The following RNF220 variants were observed in gnomAD, a reference collection of about 807,000 sequenced individuals.
The protein encoded by RNF220 is ring finger protein 220.
A neutral mutation model predicts 67.1 loss-of-function variants in RNF220; 7 were observed. That is an observed-to-expected ratio of 0.10 (90% CI 0.06 to 0.20). The LOEUF is 0.20. Among genes scored for constraint, RNF220 ranks in the 10% least tolerant of loss-of-function variants. RNF220 has a pLI of 1.00. For synonymous variants in RNF220, 270 were observed against 283.2 expected (o/e 0.95, Z 0.47); for missense variants, 565 against 740.3 (o/e 0.76, Z 2.75).
At chr1:44,563,410 C>G (rs1353321576) in intron 2 of RNF220, among the ~76,000 whole-genome samples, 3 of 152,212 alleles carry the variant, frequency 2.0e-5, no homozygotes, top group South Asian at 4.1e-4. Flanking sequence ...CAGGGGGCCC[C>G]GCTTCCCTCC....
chr1:44,647,273 A>G (rs896330821), intron 12 of RNF220, among the ~76,000 whole-genome samples: 11 of 152,208 alleles, frequency 7.2e-5, no homozygotes, highest in African/African-American at 2.2e-4. Flanking sequence ...ACATAACTAT[A>G]TAGGACTAGG....
In RNF220 at chr1:44,650,520, G is replaced by GT; in HGVS notation, c.1630-183dup. 1.6e-6 allele frequency: 1 copy of GT among 619,992 alleles called. No homozygotes were observed. Among genetic ancestry groups the GT allele is most frequent in the Non-Finnish European group, 2.9e-6 (1 of 349,062 alleles). The allele number at this position is 619,992 out of a possible 1,614,324, so 38.4% of individuals were successfully genotyped here. On this transcript the variant is annotated intron_variant, in intron 14 of 14. Transcript: ENST00000361799. The surrounding 1 kb of genome is among the most constrained non-coding windows in gnomAD (Gnocchi z 4.3). ...GCTGGCCAGGCGGTTTGATCCTGGC[G>GT]TCCCCCCAACACAGGAGCGTGCCTG...
intron 2 of RNF220, among the ~76,000 whole-genome samples, chr1:44,445,280 A>AC (rs1188222896): frequency 6.6e-6 from 1 of 152,150 alleles, no homozygotes; most frequent in African/African-American, 2.4e-5. Context: ...TATCTCCTAT[A>AC]AATATATATT....
chr1:44,620,486 T>C (rs72671945), intron 3 of RNF220, among the ~76,000 whole-genome samples: 9,429 of 152,292 alleles, frequency 0.062, 705 homozygotes, highest in African/African-American at 0.17. Flanking sequence ...ACTGAGTGAA[T>C]GAAGGAGTGA....
At chr1:44,495,394 C>G (rs1010495522) in intron 2 of RNF220, among the ~76,000 whole-genome samples, 8 of 152,134 alleles carry the variant, frequency 5.3e-5, no homozygotes, top group African/African-American at 9.7e-5. Context: ...AAGATGATCT[C>G]TAAGACTGCT....
chr1:44,600,282 T>A lies in RNF220; in HGVS notation c.626-13883T>A, dbSNP rs1666833354. On this transcript the variant is annotated intron_variant, in intron 2 of 14. Transcript: ENST00000361799. The surrounding 1 kb of genome is among the most constrained non-coding windows in gnomAD (Gnocchi z 4.0). ...TACGCAGTGTTGTACGTGGCTCAGA[T>A]TGGAGGTACAGGCTGAGGGAATGAA... Among the ~76,000 whole-genome samples the A allele has an allele frequency of 6.6e-6, 1 of 152,092 alleles. No individual in the cohort carries two copies. Among genetic ancestry groups the A allele is most frequent in the Non-Finnish European group, 1.5e-5 (1 of 68,006 alleles).
At chr1:44,573,552 A>G (rs539242215) in intron 2 of RNF220, among the ~76,000 whole-genome samples, 2 of 152,368 alleles carry the variant, frequency 1.3e-5, no homozygotes, top group Middle Eastern at 6.8e-3. Flanking sequence ...CTGGAAGGAA[A>G]TCAGGAGAGT....
chr1:44,619,146 A>T (rs936097447), intron 3 of RNF220, among the ~76,000 whole-genome samples: 9 of 152,206 alleles, frequency 5.9e-5, no homozygotes, highest in Non-Finnish European at 1.3e-4. Flanking sequence ...AGGAGTTTCC[A>T]TCCAGAGAGA....
intron 2 of RNF220, among the ~76,000 whole-genome samples, chr1:44,436,094 C>A (rs911670921): frequency 3.9e-5 from 6 of 152,180 alleles, no homozygotes; most frequent in African/African-American, 1.4e-4. Flanking sequence ...CCTTGACACA[C>A]AAAGTCCCTG....
At position 44,649,746 on chromosome 1, in the gene RNF220, C is replaced by T. The variant is rs370769920; in HGVS notation, c.1531C>T (p.Arg511Cys). 4.3e-6 allele frequency: 7 copies of T among 1,613,858 alleles called. No homozygotes were observed. The highest frequency in any genetic ancestry group is 2.7e-5 in the African/African-American group (2 of 74,866). Residue 511 changes from arginine to cysteine, a missense_variant, in exon 13 of 15, where the codon CGT (arginine) becomes TGT (cysteine). Arg to Cys is a radical substitution (Grantham distance 180). Transcript: ENST00000361799. The surrounding 1 kb of genome is among the most constrained non-coding windows in gnomAD (Gnocchi z 5.9). Reference sequence around the variant, plus strand: ...TGAACGGCAGCTATCTCGTGGGGACCGTTACAAATGCCTCATCTGCATGGT... The same window carrying T: ...TGAACGGCAGCTATCTCGTGGGGACTGTTACAAATGCCTCATCTGCATGGT... ...ELERQLSRGD[R>C]YKCLICMDSY...
At chr1:44,647,199 G>A (rs1644676377) in intron 12 of RNF220, among the ~76,000 whole-genome samples, 1 of 152,152 alleles carries the variant, frequency 6.6e-6, no homozygotes, top group African/African-American at 2.4e-5. Flanking sequence ...TTGGGGTTTG[G>A]GAGTTAGTTC....
At chr1:44,436,765 G>A (rs1209620978) in intron 2 of RNF220, among the ~76,000 whole-genome samples, 2 of 152,166 alleles carry the variant, frequency 1.3e-5, no homozygotes, top group Admixed American at 1.3e-4. Context: ...TCCTTAAGAA[G>A]CATGTGAAGT....
chr1:44,452,659 C>CGGA (rs1295308036), intron 2 of RNF220, among the ~76,000 whole-genome samples: 1 of 152,014 alleles, frequency 6.6e-6, no homozygotes, highest in Non-Finnish European at 1.5e-5. Context: ...TTAGTAGAGA[C>CGGA]GGAGTTTCAC....
chr1:44,558,964 T>A (rs1663340256), intron 2 of RNF220, among the ~76,000 whole-genome samples: 1 of 152,234 alleles, frequency 6.6e-6, no homozygotes. Flanking sequence ...CCCTCACAGC[T>A]GTTGTTTAGG....
intron 2 of RNF220, among the ~76,000 whole-genome samples, chr1:44,533,928 G>C (rs1373668656): frequency 6.6e-6 from 1 of 152,230 alleles, no homozygotes; most frequent in Admixed American, 6.5e-5. Context: ...AGATGAGCCC[G>C]AAGAAGGAGG....
intron 2 of RNF220, among the ~76,000 whole-genome samples, chr1:44,475,823 C>T (rs146072001): frequency 0.018 from 2,702 of 151,410 alleles, 38 homozygotes; most frequent in Middle Eastern, 0.031. Flanking sequence ...ACCATCCTCG[C>T]CAACATGGTG....
intron 2 of RNF220, among the ~76,000 whole-genome samples, chr1:44,528,362 G>A (rs371323218): frequency 1.9e-4 from 29 of 151,504 alleles, no homozygotes; most frequent in Middle Eastern, 3.4e-3. Context: ...GTCCAGTGGC[G>A]CTATCTCGGC....
intron 8 of RNF220, chr1:44,643,256 C>T (rs1644538421): frequency 6.6e-6 from 1 of 152,198 alleles, no homozygotes; most frequent in Admixed American, 6.5e-5. Context: ...GATCAAGACT[C>T]AGTGTTTTTC....
chr1:44,499,876 A>T (rs1348812042), intron 2 of RNF220, among the ~76,000 whole-genome samples: 1 of 146,776 alleles, frequency 6.8e-6, no homozygotes, highest in African/African-American at 2.7e-5. Flanking sequence ...GTCAATAGCC[A>T]CTCCAGTCTT....
Sources: allele counts gnomAD v4.1 joint callset (sites outside exome capture counted in the v4.1 genomes callset), GRCh38; gene constraint gnomAD v4.1.1; non-coding constraint Gnocchi (gnomAD v3.1); transcripts MANE v1.5; gene names NCBI Gene and HGNC (gene_info 2026-07-23, HGNC 2026-07-21).